APBB1IP: variants seen among roughly 807,000 people sequenced by gnomAD.
The protein encoded by APBB1IP is amyloid beta A4 precursor protein-binding family B member 1-interacting protein.
A neutral mutation model predicts 64.9 loss-of-function variants in APBB1IP; 27 were observed. The ratio of observed to expected loss-of-function variants is 0.42; its 90% CI spans 0.31 to 0.57. APBB1IP has a LOEUF of 0.57. APBB1IP is among the 20% of genes least tolerant of loss of function. The pLI is 0.20. For missense variants in APBB1IP, 812 were observed against 845.5 expected, an observed-to-expected ratio of 0.96 and a Z score of 0.49; for synonymous variants, 392 against 331.0, an observed-to-expected ratio of 1.18 and a Z score of -2.00.
rs1321272418 is a variant in APBB1IP at position 26,438,697 on chromosome 10, A to G, written c.-157A>G. ...AGCAAAGCAGCTCGGATAGCGCCAC[A>G]CGTCTGCGCGCTGCGTGGGAAGGGC... On this transcript the variant is annotated 5_prime_UTR_variant, in exon 2 of 15. Coordinates refer to ENST00000376236, the MANE Select transcript of APBB1IP (RefSeq NM_019043.4). 1.3e-5 allele frequency: 2 copies of G among 152,128 alleles called. No individual in the cohort carries two copies. Among genetic ancestry groups the G allele is most frequent in the African/African-American group, 2.4e-5 (1 of 41,412 alleles). The allele number at this position is 152,128 out of a possible 1,614,324, so 9.4% of individuals were successfully genotyped here.
chr10:26,505,518 T>C (rs1470559828), intron 6 of APBB1IP, among the ~76,000 whole-genome samples: 2 of 151,996 alleles, frequency 1.3e-5, no homozygotes, highest in Non-Finnish European at 2.9e-5. Flanking sequence ...TACAAAACCA[T>C]TTTACTTAAG....
At chr10:26,522,564 G>A (rs1836416341) in intron 8 of APBB1IP, among the ~76,000 whole-genome samples, 1 of 151,576 alleles carries the variant, frequency 6.6e-6, no homozygotes, top group African/African-American at 2.4e-5. Flanking sequence ...ATTATTCTCT[G>A]TCCCATACTC....
At chr10:26,556,276 T>G (rs1210101318) in intron 11 of APBB1IP, among the ~76,000 whole-genome samples, 4 of 152,210 alleles carry the variant, frequency 2.6e-5, no homozygotes, top group Non-Finnish European at 5.9e-5. Flanking sequence ...CTTGGCAAAG[T>G]CTCAAGACAC....
intron 13 of APBB1IP, 61 bp downstream of exon 13, chr10:26,560,905 T>C: frequency 7.8e-7 from 1 of 1,274,970 alleles, no homozygotes. Flanking sequence ...GTTCAAAATG[T>C]ATCCAATACA....
At chr10:26,472,362 A>G (rs898715473) in intron 2 of APBB1IP, among the ~76,000 whole-genome samples, 1 of 152,152 alleles carries the variant, frequency 6.6e-6, no homozygotes, top group African/African-American at 2.4e-5. Flanking sequence ...ATAGAAAGGA[A>G]AGCATTTTAC....
chr10:26,565,468 G>A (rs1046566295), intron 14 of APBB1IP, among the ~76,000 whole-genome samples: 16 of 152,158 alleles, frequency 1.1e-4, no homozygotes, highest in Non-Finnish European at 1.3e-4. Context: ...GATATACCAC[G>A]AAAGCCCCTT....
At chr10:26,521,360 C>A (rs1836399122) in intron 8 of APBB1IP, among the ~76,000 whole-genome samples, 1 of 152,170 alleles carries the variant, frequency 6.6e-6, no homozygotes, top group African/African-American at 2.4e-5. Flanking sequence ...TTTCAGATTA[C>A]TGAAAGGACC....
chr10:26,543,812 G>A (rs1380614412), intron 11 of APBB1IP, among the ~76,000 whole-genome samples: 2 of 152,060 alleles, frequency 1.3e-5, no homozygotes, highest in Non-Finnish European at 2.9e-5. Context: ...AGGTGAGGGA[G>A]CAAGAATTAT....
intron 11 of APBB1IP, among the ~76,000 whole-genome samples, chr10:26,550,759 A>G (rs1002411405): frequency 2.6e-5 from 4 of 152,158 alleles, no homozygotes; most frequent in African/African-American, 4.8e-5. Context: ...TAGTGAGACC[A>G]TGTTTTCTAG....
chr10:26,498,285 G>T (rs540830161), intron 4 of APBB1IP, among the ~76,000 whole-genome samples: 2 of 152,068 alleles, frequency 1.3e-5, no homozygotes, highest in Non-Finnish European at 2.9e-5. Context: ...GACGCTGGTG[G>T]ATCACTTGAG....
intron 2 of APBB1IP, among the ~76,000 whole-genome samples, chr10:26,491,885 C>T (rs1407695701): frequency 6.6e-6 from 1 of 151,800 alleles, no homozygotes; most frequent in Admixed American, 6.6e-5. Flanking sequence ...CCTCAGCCTC[C>T]CGAGTAGCTG....
intron 8 of APBB1IP, among the ~76,000 whole-genome samples, chr10:26,524,955 C>CTTTCTTT (rs747655095): frequency 7.3e-4 from 54 of 73,798 alleles, no homozygotes; most frequent in African/African-American, 1.1e-3. Flanking sequence ...TTCTTTCTTT[C>CTTTCTTT]TTTTTTTTTT....
intron 4 of APBB1IP, among the ~76,000 whole-genome samples, chr10:26,498,423 C>T (rs1836055726): frequency 1.3e-5 from 2 of 152,042 alleles, no homozygotes; most frequent in Admixed American, 1.3e-4. Context: ...GGACGAAAAT[C>T]ACTGGAAACC....
rs114791844 is a variant in APBB1IP at position 26,521,366 on chromosome 10, G to A, written c.813+7706G>A. On this transcript the variant is annotated intron_variant, in intron 8 of 14. Transcript: ENST00000376236. ...TTAGAATTTTTTCAGATTACTGAAA[G>A]GACCCAGAGGCATCTCATTGGAATG... Among the ~76,000 whole-genome samples, 949 of 152,322 alleles carry A rather than the reference G, an allele frequency of 6.2e-3. 8 individuals carry two copies. Among genetic ancestry groups the A allele is most frequent in the African/African-American group, 0.021 (885 of 41,574 alleles).
chr10:26,472,695 G>A lies in APBB1IP; in HGVS notation c.1-19632G>A, dbSNP rs145665830. On this transcript the variant is annotated intron_variant, in intron 2 of 14. Coordinates refer to ENST00000376236, the MANE Select transcript of APBB1IP (RefSeq NM_019043.4). ...ATCACATGTATAATCCCAGCACTCC[G>A]GGAGGCCAAGGCCGGCAGATCACCT... Among the ~76,000 whole-genome samples, 517 of 152,212 alleles carry A rather than the reference G, an allele frequency of 3.4e-3. 6 individuals carry two copies. Among genetic ancestry groups the A allele is most frequent in the Admixed American group, 0.026 (390 of 15,292 alleles).
At chr10:26,496,126 G>A (rs1182979928) in intron 3 of APBB1IP, among the ~76,000 whole-genome samples, 178 bp from the exon 4 acceptor site, 1 of 151,130 alleles carries the variant, frequency 6.6e-6, no homozygotes, top group African/African-American at 2.4e-5. Flanking sequence ...TTTTTAAGCT[G>A]TAATTTTCTA....
At chr10:26,493,841 T>G (rs1207692126) in intron 3 of APBB1IP, among the ~76,000 whole-genome samples, 1 of 152,136 alleles carries the variant, frequency 6.6e-6, no homozygotes, top group Non-Finnish European at 1.5e-5. Flanking sequence ...TGTTTGATTT[T>G]GGGGTTTTCT....
chr10:26,462,620 A>AT (rs1218909075), intron 2 of APBB1IP, among the ~76,000 whole-genome samples: 2 of 152,218 alleles, frequency 1.3e-5, no homozygotes, highest in African/African-American at 4.8e-5. Context: ...TATGGGATCA[A>AT]TTTTTGAAAA....
chr10:26,456,228 G>A lies in APBB1IP; in HGVS notation c.-1+17375G>A, dbSNP rs576637880. Among the ~76,000 whole-genome samples, 29 of 152,328 alleles carry A rather than the reference G, an allele frequency of 1.9e-4. No individual in the cohort carries two copies. The South Asian group carries it at 5.8e-3, about 30-fold the overall frequency. On this transcript the variant is annotated intron_variant, in intron 2 of 14. Coordinates refer to ENST00000376236, the MANE Select transcript of APBB1IP (RefSeq NM_019043.4). The stretch of plus-strand genomic sequence containing the variant: ...ATTATACACTTTAAATAGGTGGATT[G>A]TTTCATTTCACCTGCATGCAAGGAG...
Sources: allele counts gnomAD v4.1 joint callset (sites outside exome capture counted in the v4.1 genomes callset), GRCh38; gene constraint gnomAD v4.1.1; transcripts MANE v1.5; gene names NCBI Gene and HGNC (gene_info 2026-07-23, HGNC 2026-07-21).